The following DPP10 variants were observed in gnomAD, a reference collection of about 807,000 sequenced individuals.
DPP10 encodes the protein dipeptidyl peptidase like 10.
Under a neutral mutation model 120.9 loss-of-function variants are expected in DPP10, and 33 were observed. The observed-to-expected ratio is 0.27, with a 90% CI of 0.21 to 0.37. The LOEUF is 0.37. Among genes scored for constraint, DPP10 ranks in the 10% least tolerant of loss-of-function variants. DPP10 has a pLI of 1.00. For missense variants in DPP10, 816 were observed against 942.8 expected (o/e 0.87, Z 1.76); for synonymous variants, 337 against 326.1 (o/e 1.03, Z -0.36).
At chr2:115,479,602 TGAG>T (rs1461000631) in intron 3 of DPP10, among the ~76,000 whole-genome samples, 2 of 151,924 alleles carry the variant, frequency 1.3e-5, no homozygotes, top group Admixed American at 6.6e-5. Context: ...AATTAAAAAA[TGAG>T]GAAGAAACAC....
chr2:115,483,479 C>CTATCTATCTATCTATCTATCTGTATG (rs3980957), intron 3 of DPP10, among the ~76,000 whole-genome samples: 2 of 144,072 alleles, frequency 1.4e-5, no homozygotes, highest in African/African-American at 5.2e-5. Flanking sequence ...ATCTATCTAT[C>CTATCTATCTATCTATCTATCTGTATG]TGTATGTGTA....
At chr2:114,453,037 G>T (rs1663551278) in intron 1 of DPP10, among the ~76,000 whole-genome samples, 1 of 152,128 alleles carries the variant, frequency 6.6e-6, no homozygotes, top group South Asian at 2.1e-4. Flanking sequence ...ACAGGGTTGA[G>T]TGGAGAAAAT....
At chr2:114,956,929 T>C (rs1000762702) in intron 1 of DPP10, among the ~76,000 whole-genome samples, 4 of 129,024 alleles carry the variant, frequency 3.1e-5, no homozygotes, top group Admixed American at 8.1e-5. Context: ...ATATAAAAAA[T>C]ATCAACTCAA....
chr2:115,231,567 G>A (rs1404220807), intron 1 of DPP10, among the ~76,000 whole-genome samples: 1 of 152,098 alleles, frequency 6.6e-6, no homozygotes, highest in Non-Finnish European at 1.5e-5. Context: ...TAAATGGTTA[G>A]TGAATAGAAA....
intron 3 of DPP10, among the ~76,000 whole-genome samples, chr2:115,475,172 C>A (rs1016276636): frequency 6.6e-6 from 1 of 151,688 alleles, no homozygotes; most frequent in African/African-American, 2.4e-5. Flanking sequence ...CCTCACAGGC[C>A]CAGAGACTTA....
intron 20 of DPP10, 23 bp downstream of exon 20, chr2:115,815,010 T>C (rs1687071162): frequency 3.2e-6 from 5 of 1,563,844 alleles, no homozygotes; most frequent in Non-Finnish European, 4.4e-6. Flanking sequence ...ACATTTTTCT[T>C]CTCTGTTTTC....
rs569973742 is a variant in DPP10 at position 115,358,969 on chromosome 2, C to T, written c.271+15057C>T. On this transcript the variant is annotated intron_variant, in intron 3 of 25. Coordinates refer to ENST00000410059, the MANE Select transcript of DPP10 (RefSeq NM_020868.6). ...CAATTACCTCCCACCGGATCCCTCC[C>T]GTGGCACATGGAGATTATGGAAACT... is the stretch of plus-strand genomic sequence containing the variant. Among the ~76,000 whole-genome samples the T allele has an allele frequency of 4.6e-4, 70 of 152,250 alleles. 2 individuals are homozygous for T. Among genetic ancestry groups the T allele is most frequent in the Admixed American group, 2.0e-3 (30 of 15,284 alleles).
intron 1 of DPP10, among the ~76,000 whole-genome samples, chr2:115,206,469 T>C (rs780388872): frequency 4.6e-5 from 7 of 152,174 alleles, no homozygotes; most frequent in Non-Finnish European, 1.0e-4. Flanking sequence ...AGCACTGCAA[T>C]AGAAAAAACA....
At chr2:115,312,148 A>T (rs1161227957) in intron 2 of DPP10, among the ~76,000 whole-genome samples, 1 of 152,198 alleles carries the variant, frequency 6.6e-6, no homozygotes. Flanking sequence ...ATTGGTAGGG[A>T]CATTATAAAA....
At chr2:115,157,120 C>T (rs2051968589) in intron 1 of DPP10, among the ~76,000 whole-genome samples, 1 of 151,644 alleles carries the variant, frequency 6.6e-6, no homozygotes, top group Non-Finnish European at 1.5e-5. Flanking sequence ...TACAATTCAG[C>T]TACATGTATA....
At chr2:115,629,184 A>G (rs920584361) in intron 5 of DPP10, among the ~76,000 whole-genome samples, 1 of 152,140 alleles carries the variant, frequency 6.6e-6, no homozygotes, top group Non-Finnish European at 1.5e-5. Flanking sequence ...CATGGTGTAT[A>G]TGTGCCACAT....
intron 1 of DPP10, among the ~76,000 whole-genome samples, chr2:115,189,142 G>A (rs1159632860): frequency 6.6e-6 from 1 of 152,202 alleles, no homozygotes; most frequent in Non-Finnish European, 1.5e-5. Flanking sequence ...GGTGTGACTT[G>A]CAGATGGAAC....
At chr2:115,108,852 T>C (rs912271533) in intron 1 of DPP10, among the ~76,000 whole-genome samples, 4 of 152,118 alleles carry the variant, frequency 2.6e-5, no homozygotes, top group Non-Finnish European at 4.4e-5. Flanking sequence ...GGTTCATGGT[T>C]GAGAAACAGG....
intron 4 of DPP10, among the ~76,000 whole-genome samples, chr2:115,509,924 A>G (rs1413133121): frequency 4.6e-5 from 7 of 152,154 alleles, no homozygotes; most frequent in African/African-American, 1.7e-4. Context: ...ATATCTTGCC[A>G]TGGCATTTAT....
At chr2:115,217,930 C>T (rs867096915) in intron 1 of DPP10, among the ~76,000 whole-genome samples, 11 of 152,160 alleles carry the variant, frequency 7.2e-5, no homozygotes, top group Admixed American at 5.2e-4. Flanking sequence ...GATGCTCCCA[C>T]GTCATGCTCT....
intron 5 of DPP10, among the ~76,000 whole-genome samples, chr2:115,648,145 A>T (rs1415620318): frequency 6.6e-6 from 1 of 152,128 alleles, no homozygotes; most frequent in Non-Finnish European, 1.5e-5. Context: ...GCAAAAAAAA[A>T]ATAGTGAGAA....
At chr2:114,968,617 TC>T (rs1431571514) in intron 1 of DPP10, among the ~76,000 whole-genome samples, 1 of 152,180 alleles carries the variant, frequency 6.6e-6, no homozygotes, top group Non-Finnish European at 1.5e-5. Flanking sequence ...GTTATACACA[TC>T]CAGAAATAAT....
intron 3 of DPP10, among the ~76,000 whole-genome samples, chr2:115,365,489 A>G (rs916227636): frequency 2.0e-5 from 3 of 152,000 alleles, no homozygotes; most frequent in Admixed American, 1.3e-4. Flanking sequence ...AAAACATGCC[A>G]TCTCTTCATA....
At chr2:114,510,423 G>A (rs1164626574) in intron 1 of DPP10, among the ~76,000 whole-genome samples, 1 of 152,050 alleles carries the variant, frequency 6.6e-6, no homozygotes, top group Non-Finnish European at 1.5e-5. Context: ...GACCAACATG[G>A]CGAAAACCTG....
Sources: allele counts gnomAD v4.1 joint callset (sites outside exome capture counted in the v4.1 genomes callset), GRCh38; gene constraint gnomAD v4.1.1; transcripts MANE v1.5; gene names NCBI Gene and HGNC (gene_info 2026-07-23, HGNC 2026-07-21).